GALNT8: variants seen among roughly 807,000 people sequenced by gnomAD.
The protein encoded by GALNT8 is polypeptide N-acetylgalactosaminyltransferase 8.
A neutral mutation model predicts 62.7 loss-of-function variants in GALNT8; 66 were observed. The observed-to-expected ratio is 1.05, with a 90% CI of 0.86 to 1.29. The LOEUF (loss-of-function observed/expected upper bound fraction) is 1.29. Ranked by LOEUF, GALNT8 falls within the 50% of genes most tolerant of loss-of-function variation. GALNT8 has a pLI of 0.00. For missense variants in GALNT8, 771 were observed against 791.8 expected, an observed-to-expected ratio of 0.97 and a Z score of 0.32; for synonymous variants, 288 against 294.3, an observed-to-expected ratio of 0.98 and a Z score of 0.22.
At chr12:4,727,896 T>C (rs1946203699) in intron 2 of GALNT8, among the ~76,000 whole-genome samples, 1 of 152,314 alleles carries the variant, frequency 6.6e-6, no homozygotes, top group African/African-American at 2.4e-5. Context: ...GTAGAATTGC[T>C]GGGCCATATG....
intron 2 of GALNT8, among the ~76,000 whole-genome samples, chr12:4,729,686 T>A (rs1591564470): frequency 6.6e-6 from 1 of 152,276 alleles, no homozygotes; most frequent in South Asian, 2.1e-4. Context: ...AATGCTCCAA[T>A]GAAAATGGGA....
chr12:4,772,340 G>A lies in GALNT8; in HGVS notation c.1762-105G>A, dbSNP rs536445220. 149 of 953,796 alleles carry A rather than the reference G, an allele frequency of 1.6e-4. 1 individual carries two copies. The highest frequency in any genetic ancestry group is 5.2e-4 in the South Asian group (35 of 66,820). The allele number at this position is 953,796 out of a possible 1,614,324, so 59.1% of individuals were successfully genotyped here. A position where few individuals can be genotyped will look rare whatever the true frequency, so the allele number is the denominator to read the frequency against. On this transcript the variant is annotated intron_variant, in intron 10 of 10. Transcript: ENST00000252318. ...TGGATGACTTGTGGAGCACTGAGGG[G>A]TCCCTCAAGAATGTGGCTGAGCACA... is the stretch of plus-strand genomic sequence containing the variant.
chr12:4,751,947 A>G (rs181937714), intron 6 of GALNT8, among the ~76,000 whole-genome samples: 10 of 152,292 alleles, frequency 6.6e-5, no homozygotes, highest in Non-Finnish European at 2.9e-5. Flanking sequence ...TTGGGTGCAT[A>G]TATATTTAAA....
chr12:4,737,130 C>A (rs1946249018), intron 2 of GALNT8, among the ~76,000 whole-genome samples: 1 of 152,142 alleles, frequency 6.6e-6, no homozygotes, highest in Non-Finnish European at 1.5e-5. Flanking sequence ...GCTTAGAAGT[C>A]CCCACTGTAT....
intron 3 of GALNT8, among the ~76,000 whole-genome samples, chr12:4,742,992 A>G (rs1946278956): frequency 6.6e-6 from 1 of 152,164 alleles, no homozygotes; most frequent in Admixed American, 6.5e-5. Context: ...GGTCCTGACT[A>G]TTTGGTACTT....
intron 9 of GALNT8, 50 bp from the exon 10 acceptor site, chr12:4,765,329 C>CAATGCCT: frequency 3.5e-6 from 5 of 1,446,156 alleles, no homozygotes; most frequent in Non-Finnish European, 4.5e-6. Flanking sequence ...TGCTGGCTGA[C>CAATGCCT]AATGCCTATG....
intron 3 of GALNT8, 37 bp from the exon 4 acceptor site, chr12:4,744,480 C>T (rs766954543): frequency 7.0e-7 from 1 of 1,425,448 alleles, no homozygotes; most frequent in Admixed American, 2.0e-5. Context: ...TTGATTGTTG[C>T]ACTCAGAATT....
chr12:4,753,197 T>C (rs947570133), intron 6 of GALNT8, among the ~76,000 whole-genome samples: 1 of 152,236 alleles, frequency 6.6e-6, no homozygotes, highest in Non-Finnish European at 1.5e-5. Context: ...ACTTGGACAT[T>C]GATATCTTTC....
intron 9 of GALNT8, among the ~76,000 whole-genome samples, chr12:4,764,530 ATTTTTTTT>A (rs58809573): frequency 0.028 from 2,852 of 101,944 alleles, 81 homozygotes; most frequent in African/African-American, 0.11. Flanking sequence ...CAGTCAGGGG[ATTTTTTTT>A]TTTTTTTTTT....
At position 4,746,277 on chromosome 12, in the gene GALNT8, T is replaced by A. The variant is rs1402413518; in HGVS notation, c.1173+19T>A. The A allele has an allele frequency of 7.7e-7, 1 of 1,306,868 alleles. No individual in the cohort carries two copies. Among genetic ancestry groups the A allele is most frequent in the Non-Finnish European group, 1.1e-6 (1 of 899,294 alleles). 81.0% of individuals were successfully genotyped at this position (1,306,868 alleles called of 1,614,324 possible). On this transcript the variant is annotated intron_variant, in intron 6 of 10. Coordinates refer to ENST00000252318, the MANE Select transcript of GALNT8 (RefSeq NM_017417.2). ...CCTGAGGGTGGGTACATTTCCCTTT[T>A]CTTTATGGGACAAAGCAGAAAGGGG...
At chr12:4,743,152 GGTACTTTTCTC>G in intron 3 of GALNT8, among the ~76,000 whole-genome samples, 1 of 152,132 alleles carries the variant, frequency 6.6e-6, no homozygotes, top group Admixed American at 6.5e-5. Context: ...TGCCCACTAT[GGTACTTTTCTC>G]TAGGTTGAGG....
chr12:4,770,995 C>T (rs1352025597), intron 10 of GALNT8, among the ~76,000 whole-genome samples: 2 of 152,100 alleles, frequency 1.3e-5, no homozygotes, highest in African/African-American at 2.4e-5. Flanking sequence ...GGGCTGCTGG[C>T]GGGTGAGGCG....
chr12:4,769,230 G>A (rs1297312728), intron 10 of GALNT8, among the ~76,000 whole-genome samples: 9 of 152,178 alleles, frequency 5.9e-5, no homozygotes, highest in Admixed American at 4.6e-4. Flanking sequence ...CGTGGTGAGG[G>A]GTTGGAAGTT....
chr12:4,726,329 C>T lies in GALNT8; in HGVS notation c.212-203C>T, dbSNP rs903125342. ...GTTTTGATGGGGCTAAAGGGAGAGA[C>T]GTATCTAGTACATACTTTGCTGGGA... On this transcript the variant is annotated intron_variant, in intron 1 of 10. Coordinates refer to ENST00000252318, the MANE Select transcript of GALNT8 (RefSeq NM_017417.2). The surrounding 1 kb of genome is among the most constrained non-coding windows in gnomAD (Gnocchi z 4.1). Among the ~76,000 whole-genome samples the T allele has an allele frequency of 4.6e-5, 7 of 152,094 alleles. No homozygotes were observed. Among genetic ancestry groups the T allele is most frequent in the South Asian group, 2.1e-4 (1 of 4,830 alleles).
Position 4,765,504 on chromosome 12 carries a change from G to A in GALNT8, c.1719G>A (p.Lys573=). ...AGCCCACCTTAGAACCATGCTCCAA[G>A]GCAGCTAAGAATAGACTGCATATAT... The part of the protein sequence containing the change: ...AEKPTLEPCS[K]AAKNRLHIYW... The change falls in exon 10 of 11, where the codon AAG becomes AAA. Residue 573 remains lysine, a synonymous_variant. Coordinates refer to ENST00000252318, the MANE Select transcript of GALNT8 (RefSeq NM_017417.2). 6.2e-7 allele frequency: 1 copy of A among 1,612,092 alleles called. No homozygotes were observed.
rs752375758 is a variant in GALNT8, at chr12:4,739,305, T to A, written c.652T>A (p.Leu218Met). The A allele has an allele frequency of 6.2e-7, 1 of 1,612,858 alleles. No individual in the cohort carries two copies. The highest frequency in any genetic ancestry group is 1.3e-5 in the African/African-American group (1 of 74,868). The change falls in exon 3 of 11, where the codon TTG (leucine) becomes ATG (methionine). Residue 218 changes from leucine to methionine, a missense_variant. Transcript: ENST00000252318. Reference protein sequence around the residue: ...TPSRLLKEIILVDDFSSNGEL... With the variant: ...TPSRLLKEIIMVDDFSSNGEL... The stretch of plus-strand genomic sequence containing the variant: ...CTCTCGATTGTTGAAGGAAATCATC[T>A]TGGTGGATGATTTCAGCTCAAATGG...
chr12:4,723,818 G>A (rs1946181994), intron 1 of GALNT8, among the ~76,000 whole-genome samples: 1 of 136,728 alleles, frequency 7.3e-6, no homozygotes, highest in Non-Finnish European at 1.5e-5. Flanking sequence ...CCTTCATCCT[G>A]TTTGCTCATT....
intron 9 of GALNT8, among the ~76,000 whole-genome samples, chr12:4,764,872 T>A (rs1350437411): frequency 7.2e-6 from 1 of 138,152 alleles, no homozygotes; most frequent in African/African-American, 2.7e-5. Flanking sequence ...TTTTTTTTTT[T>A]AGGGACAATA....
At position 4,745,000 on chromosome 12, in the gene GALNT8, CTTTGGTTA is replaced by C. The variant is rs1197323176; in HGVS notation, c.860+304_860+311del. On this transcript the variant is annotated intron_variant, in intron 4 of 10. Coordinates refer to ENST00000252318, the MANE Select transcript of GALNT8 (RefSeq NM_017417.2). ...TAACTGTAAAGATGAGGAGATTAGC[CTTTGGTTA>C]TTTTAAAGGTTTTTCCCCAGCCATG... 3.3e-5 allele frequency among the ~76,000 whole-genome samples: 5 copies of C among 152,092 alleles called. No individual in the cohort carries two copies. The East Asian group carries it at 9.7e-4, about 29-fold the overall frequency.
Sources: gnomAD v4.1 joint callset for allele counts (sites outside exome capture counted in the v4.1 genomes callset) on GRCh38, gnomAD v4.1.1 for gene constraint, Gnocchi (gnomAD v3.1) non-coding constraint, MANE v1.5 for transcripts, NCBI Gene and HGNC (gene_info 2026-07-23, HGNC 2026-07-21) for gene names.